The following DDX10 variants were observed in gnomAD, a reference collection of about 807,000 sequenced individuals.
DDX10 encodes DEAD-box helicase 10, also known as probable ATP-dependent RNA helicase DDX10.
Under a neutral mutation model 104.3 loss-of-function variants are expected in DDX10, and 74 were observed. The observed-to-expected ratio is 0.71, with a 90% CI of 0.59 to 0.86. The LOEUF is 0.86. DDX10 is among the 40% of genes least tolerant of loss of function. DDX10 has a pLI of 0.00. For missense variants in DDX10, 952 were observed against 1,040.0 expected (o/e 0.92, Z 1.16); for synonymous variants, 351 against 353.4 (o/e 0.99, Z 0.08).
At chr11:108,878,672 ACTT>A (rs1863185565) in intron 16 of DDX10, among the ~76,000 whole-genome samples, 1 of 152,058 alleles carries the variant, frequency 6.6e-6, no homozygotes, top group Non-Finnish European at 1.5e-5. Flanking sequence ...TATATTAAAG[ACTT>A]CTTAGATTTA....
intron 10 of DDX10, among the ~76,000 whole-genome samples, chr11:108,713,975 C>T (rs959393901): frequency 3.3e-5 from 5 of 152,192 alleles, no homozygotes; most frequent in African/African-American, 1.2e-4. Flanking sequence ...TCCCTCCCCT[C>T]AGGTCAGTTA....
chr11:108,674,829 GAAGTTCTTCCTTCT>G (rs2094221881), intron 2 of DDX10, among the ~76,000 whole-genome samples: 1 of 152,150 alleles, frequency 6.6e-6, no homozygotes, highest in Non-Finnish European at 1.5e-5. Flanking sequence ...TAGATCTCTT[GAAGTTCTTCCTTCT>G]AACTGAAATT....
At chr11:108,838,246 T>C in intron 13 of DDX10, 200 bp from the exon 14 acceptor site, 1 of 435,360 alleles carries the variant, frequency 2.3e-6, no homozygotes. Flanking sequence ...CTATTAATGC[T>C]TAAACTCTTT....
chr11:108,721,086 A>G (rs2094297789), intron 12 of DDX10, among the ~76,000 whole-genome samples: 1 of 152,114 alleles, frequency 6.6e-6, no homozygotes. Flanking sequence ...CAAGGTCTGT[A>G]TGTTTGGCTT....
At chr11:108,731,680 G>A (rs2094312503) in intron 13 of DDX10, among the ~76,000 whole-genome samples, 1 of 151,892 alleles carries the variant, frequency 6.6e-6, no homozygotes, top group African/African-American at 2.4e-5. Flanking sequence ...GGGATTATAG[G>A]TATAAATCAC....
At chr11:108,786,937 G>T (rs1861802318) in intron 13 of DDX10, among the ~76,000 whole-genome samples, 2 of 152,152 alleles carry the variant, frequency 1.3e-5, no homozygotes, top group South Asian at 4.1e-4. Flanking sequence ...GCTTTATATT[G>T]TCTGTGAGCT....
At chr11:108,701,473 T>C (rs1392990222) in intron 9 of DDX10, among the ~76,000 whole-genome samples, 1 of 152,138 alleles carries the variant, frequency 6.6e-6, no homozygotes, top group Non-Finnish European at 1.5e-5. Context: ...GAGCAGTGAC[T>C]AGCATATCAG....
intron 13 of DDX10, among the ~76,000 whole-genome samples, chr11:108,778,973 A>G (rs1353439904): frequency 6.6e-6 from 1 of 152,226 alleles, no homozygotes; most frequent in African/African-American, 2.4e-5. Context: ...AATGCAAATC[A>G]AAACCACAAT....
intron 11 of DDX10, among the ~76,000 whole-genome samples, chr11:108,716,307 C>T (rs996930142): frequency 1.4e-4 from 21 of 152,052 alleles, no homozygotes; most frequent in African/African-American, 4.3e-4. Context: ...CTCCATGTTG[C>T]CCAGAGTGGT....
chr11:108,922,604 C>A (rs894791699), intron 17 of DDX10, among the ~76,000 whole-genome samples: 3 of 152,214 alleles, frequency 2.0e-5, no homozygotes, highest in Non-Finnish European at 4.4e-5. Context: ...GTTTTTACTT[C>A]TGCCTTCTTT....
At chr11:108,783,583 G>A (rs1861742725) in intron 13 of DDX10, among the ~76,000 whole-genome samples, 1 of 152,170 alleles carries the variant, frequency 6.6e-6, no homozygotes, top group Non-Finnish European at 1.5e-5. Flanking sequence ...GAAGAGAGTA[G>A]GGTTCAGGAG....
intron 16 of DDX10, among the ~76,000 whole-genome samples, chr11:108,863,184 C>T (rs1212891200): frequency 6.6e-6 from 1 of 152,120 alleles, no homozygotes; most frequent in African/African-American, 2.4e-5. Context: ...GTGTCTGGTC[C>T]AGTACTAAGA....
intron 13 of DDX10, among the ~76,000 whole-genome samples, chr11:108,828,656 G>T (rs1327082084): frequency 1.3e-5 from 2 of 152,032 alleles, no homozygotes; most frequent in Non-Finnish European, 2.9e-5. Flanking sequence ...TAAGACTATA[G>T]CTCCGTCGCC....
intron 13 of DDX10, among the ~76,000 whole-genome samples, chr11:108,814,329 A>G (rs1286856681): frequency 6.6e-6 from 1 of 152,150 alleles, no homozygotes; most frequent in Admixed American, 6.5e-5. Flanking sequence ...ATTTGTAACC[A>G]TGCCATTTTT....
chr11:108,677,220 G>T lies in DDX10; in HGVS notation c.514G>T (p.Ala172Ser), dbSNP rs759355386. The T allele has an allele frequency of 4.1e-5, 66 of 1,613,662 alleles. No individual in the cohort carries two copies. The highest frequency in any genetic ancestry group is 5.3e-5 in the Non-Finnish European group (63 of 1,179,834). The change falls in exon 4 of 18, where the codon GCT becomes TCT. Residue 172 changes from alanine (A) to serine (S), a missense_variant. Physicochemically the swap from Ala to Ser is moderately conservative, Grantham distance 99. This residue lies in a region of DDX10 where 412 missense variants were observed against 479.2 expected (regional missense o/e 0.86). Transcript: ENST00000322536. ...AGTAGGAAAGAATCATGACTTCTCA[G>T]CTGGTCTCATCATTGGTGGAAAGGT... ...RKVGKNHDFS[A>S]GLIIGGKDLK... is the part of the protein sequence containing the mutation.
chr11:108,755,863 G>A (rs1302254345), intron 13 of DDX10, among the ~76,000 whole-genome samples: 1 of 152,032 alleles, frequency 6.6e-6, no homozygotes. Context: ...TGTTCTGAGA[G>A]TTAAAGTGAA....
At chr11:108,798,728 G>A (rs1861979663) in intron 13 of DDX10, among the ~76,000 whole-genome samples, 1 of 152,108 alleles carries the variant, frequency 6.6e-6, no homozygotes, top group Non-Finnish European at 1.5e-5. Flanking sequence ...TTTGGTGTCT[G>A]AGAAGGATTA....
intron 13 of DDX10, among the ~76,000 whole-genome samples, chr11:108,796,921 T>C (rs1861949230): frequency 6.6e-6 from 1 of 152,222 alleles, no homozygotes; most frequent in Non-Finnish European, 1.5e-5. Flanking sequence ...GGTGTTATAA[T>C]GCAGCAAGAA....
intron 16 of DDX10, among the ~76,000 whole-genome samples, chr11:108,901,766 C>T (rs1381655164): frequency 6.6e-6 from 1 of 152,036 alleles, no homozygotes; most frequent in African/African-American, 2.4e-5. Flanking sequence ...CTGAAAGGCA[C>T]AAATATTTCA....
Sources: gnomAD v4.1 joint callset for allele counts (sites outside exome capture counted in the v4.1 genomes callset) on GRCh38, gnomAD v4.1.1 for gene constraint, gnomAD v4.1.1 regional missense constraint, MANE v1.5 for transcripts, NCBI Gene and HGNC (gene_info 2026-07-23, HGNC 2026-07-21) for gene names.